Variants in TMCC1 observed in about 807,000 individuals in gnomAD.
TMCC1 encodes the protein transmembrane and coiled-coil domain family 1.
TMCC1 carries 15 observed loss-of-function variants against 52.4 expected under a neutral mutation model. That is an observed-to-expected ratio of 0.29 (90% CI 0.19 to 0.44). TMCC1 has a LOEUF of 0.44. Ranked by LOEUF, TMCC1 falls within the 20% of genes least tolerant of loss-of-function variation. TMCC1 has a pLI of 1.00. For synonymous variants in TMCC1, 279 were observed against 301.9 expected, an observed-to-expected ratio of 0.92 and a Z score of 0.79; for missense variants, 503 against 806.0, an observed-to-expected ratio of 0.62 and a Z score of 4.55.
intron 4 of TMCC1, among the ~76,000 whole-genome samples, chr3:129,824,933 T>C (rs1477076038): frequency 6.6e-6 from 1 of 152,246 alleles, no homozygotes; most frequent in Admixed American, 6.5e-5. Context: ...GTTCTTCTAT[T>C]GTCCATTCCA....
chr3:129,875,473 AGAG>A (rs1430180880), intron 2 of TMCC1, among the ~76,000 whole-genome samples: 5 of 136,386 alleles, frequency 3.7e-5, no homozygotes, highest in African/African-American at 1.4e-4. Context: ...CCTAGGGGAC[AGAG>A]GAGGACTCCA....
At chr3:129,687,043 G>A (rs148770201) in intron 4 of TMCC1, among the ~76,000 whole-genome samples, 317 of 152,274 alleles carry the variant, frequency 2.1e-3, no homozygotes, top group African/African-American at 4.2e-3. Flanking sequence ...AAAGGCTTAC[G>A]GAAGGAACAG....
At chr3:129,694,916 G>A (rs1273310156) in intron 4 of TMCC1, among the ~76,000 whole-genome samples, 1 of 151,642 alleles carries the variant, frequency 6.6e-6, no homozygotes, top group African/African-American at 2.4e-5. Flanking sequence ...CCCTCTCTTG[G>A]GGTTTGGATT....
chr3:129,755,914 A>T (rs937170735), intron 4 of TMCC1, among the ~76,000 whole-genome samples: 1 of 152,174 alleles, frequency 6.6e-6, no homozygotes, highest in African/African-American at 2.4e-5. Flanking sequence ...ACCACCTGGC[A>T]TGGTGAAACC....
intron 2 of TMCC1, among the ~76,000 whole-genome samples, chr3:129,852,456 C>CAAAAAAAAAAAAA (rs1015860543): frequency 2.5e-5 from 1 of 39,824 alleles, no homozygotes; most frequent in African/African-American, 9.3e-5. Flanking sequence ...GACACCGTCT[C>CAAAAAAAAAAAAA]AAAAAAAAAA....
intron 4 of TMCC1, among the ~76,000 whole-genome samples, chr3:129,703,656 C>A (rs2048006617): frequency 6.6e-6 from 1 of 152,088 alleles, no homozygotes; most frequent in Non-Finnish European, 1.5e-5. Context: ...GCTGAAGAGA[C>A]AAGAAGAATT....
intron 4 of TMCC1, among the ~76,000 whole-genome samples, chr3:129,757,728 C>T (rs1182799328): frequency 6.6e-6 from 1 of 152,048 alleles, no homozygotes; most frequent in Non-Finnish European, 1.5e-5. Context: ...ACTTGGGAGG[C>T]TGAGGCACGA....
At chr3:129,738,120 A>C (rs1479058402) in intron 4 of TMCC1, among the ~76,000 whole-genome samples, 1 of 151,782 alleles carries the variant, frequency 6.6e-6, no homozygotes, top group Admixed American at 6.6e-5. Context: ...AAAATACAAA[A>C]ATTAGCCAAG....
Position 129,654,368 on chromosome 3 carries a change from T to TA in TMCC1, c.1647+599dup, listed in dbSNP as rs1239757325. 3.5e-4 allele frequency among the ~76,000 whole-genome samples: 53 copies of TA among 152,362 alleles called. 1 individual carries two copies. The highest frequency in any genetic ancestry group is 3.3e-3 in the Admixed American group (50 of 15,308). ...TTCCCTTGATTCTTTTAGGCTGTTGTAATACAAGTTTTCTGGCCCACTTCC... is the reference window on the plus strand; with the variant it reads ...TTCCCTTGATTCTTTTAGGCTGTTGTAAATACAAGTTTTCTGGCCCACTTCC... On this transcript the variant is annotated intron_variant, in intron 6 of 6. Transcript: ENST00000393238.
At chr3:129,696,484 C>T (rs1254273307) in intron 4 of TMCC1, among the ~76,000 whole-genome samples, 3 of 152,202 alleles carry the variant, frequency 2.0e-5, no homozygotes, top group Non-Finnish European at 4.4e-5. Context: ...CTCCTGAGGG[C>T]TGTGTCATGG....
chr3:129,876,821 G>C (rs1367045536), intron 2 of TMCC1, among the ~76,000 whole-genome samples: 1 of 151,982 alleles, frequency 6.6e-6, no homozygotes, highest in East Asian at 1.9e-4. Flanking sequence ...GCCAAGCATG[G>C]TGGCAGGCGC....
chr3:129,750,180 T>C (rs746587296), intron 4 of TMCC1, among the ~76,000 whole-genome samples: 32 of 152,106 alleles, frequency 2.1e-4, no homozygotes, highest in African/African-American at 7.0e-4. Flanking sequence ...ATCTTTATTT[T>C]ATTATTATTT....
intron 4 of TMCC1, among the ~76,000 whole-genome samples, chr3:129,678,534 G>A (rs990142024): frequency 6.7e-6 from 1 of 150,288 alleles, no homozygotes. Context: ...CTAATTTTTT[G>A]TATTTTTAGT....
intron 4 of TMCC1, among the ~76,000 whole-genome samples, chr3:129,712,824 T>G (rs2048804905): frequency 6.6e-6 from 1 of 152,170 alleles, no homozygotes; most frequent in South Asian, 2.1e-4. Context: ...CTAAAAATCT[T>G]GAGAGGTTAT....
chr3:129,821,964 TA>T (rs1400008736), intron 4 of TMCC1, among the ~76,000 whole-genome samples: 1 of 152,080 alleles, frequency 6.6e-6, no homozygotes, highest in Non-Finnish European at 1.5e-5. Context: ...TTGAAGAGGC[TA>T]AGGTGGGTGG....
chr3:129,787,944 C>CA (rs1158679825), intron 4 of TMCC1, among the ~76,000 whole-genome samples: 4 of 152,138 alleles, frequency 2.6e-5, no homozygotes, highest in African/African-American at 9.7e-5. Context: ...ACTTGTAACA[C>CA]ATTTGAACTA....
Position 129,670,371 on chromosome 3 carries a change from G to C in TMCC1, c.1470C>G (p.Asp490Glu). ...GTAAGGTCTGCATTATTAAGGAATA[G>C]TCCCTCTGATAATGTTCCTTGAGAG... ...FETLKEHYQR[D>E]YSLIMQTLQE... The change falls in exon 5 of 7, where the codon GAC (aspartate) becomes GAG (glutamate). Residue 490 changes from aspartate (D) to glutamate (E), a missense_variant. By Grantham distance (45) the Asp-to-Glu change is conservative. This residue lies in a region of TMCC1 where 121 missense variants were observed against 193.6 expected (regional missense o/e 0.62). Transcript: ENST00000393238. 1.2e-6 allele frequency: 2 copies of C among 1,614,198 alleles called. No homozygotes were observed. The highest frequency in any genetic ancestry group is 1.7e-6 in the Non-Finnish European group (2 of 1,180,020).
intron 4 of TMCC1, among the ~76,000 whole-genome samples, chr3:129,766,285 G>C (rs1459685732): frequency 2.6e-5 from 4 of 152,176 alleles, no homozygotes; most frequent in African/African-American, 9.7e-5. Flanking sequence ...GCAACGCCCT[G>C]ATGTGTTGAG....
intron 1 of TMCC1, among the ~76,000 whole-genome samples, chr3:129,880,834 A>G (rs2061424057): frequency 6.6e-6 from 1 of 151,820 alleles, no homozygotes; most frequent in South Asian, 2.1e-4. Context: ...GGTCTGAAGT[A>G]TATCAGTTCT....
Sources: allele counts gnomAD v4.1 joint callset (sites outside exome capture counted in the v4.1 genomes callset), GRCh38; gene constraint gnomAD v4.1.1; regional missense constraint gnomAD v4.1.1; transcripts MANE v1.5; gene names NCBI Gene and HGNC (gene_info 2026-07-23, HGNC 2026-07-21).